BTNL9: variants seen among roughly 807,000 people sequenced by gnomAD.
BTNL9 encodes the protein butyrophilin-like protein 9.
Under a neutral mutation model 45.8 loss-of-function variants are expected in BTNL9, and 45 were observed. The observed-to-expected ratio is 0.98, with a 90% confidence interval of 0.77 to 1.26. The LOEUF is 1.26. BTNL9 is among the 50% of genes most tolerant of loss of function. BTNL9 has a pLI of 0.00. For missense variants in BTNL9, 784 were observed against 729.7 expected (o/e 1.07, Z -0.86); for synonymous variants, 346 against 330.8 (o/e 1.05, Z -0.50).
intron 4 of BTNL9, chr5:181,052,801 G>A (rs1472675940): frequency 6.6e-6 from 1 of 152,112 alleles, no homozygotes; most frequent in Non-Finnish European, 1.5e-5. Context: ...TTGCAAACAA[G>A]CGAGGAGACG....
At position 181,045,520 on chromosome 5, in the gene BTNL9, T is replaced by A. The variant is rs747234210; in HGVS notation, c.31T>A (p.Leu11Met). 9 of 1,612,140 alleles carry A rather than the reference T, an allele frequency of 5.6e-6. No individual in the cohort carries two copies. In the Admixed American group the frequency reaches 1.2e-4, roughly 21 times the overall value. Reference sequence around the variant, plus strand: ...GGACCTCTCAGTCTCCCCAGACTCCTTGAAGCCAGTATCGCTGACCAGCAG... The same window carrying A: ...GGACCTCTCAGTCTCCCCAGACTCCATGAAGCCAGTATCGCTGACCAGCAG... The part of the protein sequence containing the change: MVDLSVSPDS[L>M]KPVSLTSSLV... Residue 11 changes from leucine (L) to methionine (M), a missense_variant, in exon 2 of 11, where the codon TTG becomes ATG. Coordinates refer to ENST00000327705, the MANE Select transcript of BTNL9 (RefSeq NM_152547.5).
chr5:181,053,566 G>C lies in BTNL9; in HGVS notation c.886+65G>C. The C allele has an allele frequency of 6.4e-7, 1 of 1,552,574 alleles. No individual in the cohort carries two copies. The highest frequency in any genetic ancestry group is 2.4e-5 in the East Asian group (1 of 41,250). On this transcript the variant is annotated intron_variant, in intron 6 of 10. Coordinates refer to ENST00000327705, the MANE Select transcript of BTNL9 (RefSeq NM_152547.5). The surrounding 1 kb of genome is among the most constrained non-coding windows in gnomAD (Gnocchi z 6.5). ...TGCCAAAACCCGCCGTCATCTAAAG[G>C]CTGTGGGTCCCGTTACGAGGGTTTA...
At chr5:181,058,497 A>C in intron 10 of BTNL9, 119 bp downstream of exon 10, 1 of 1,262,896 alleles carries the variant, frequency 7.9e-7, no homozygotes, top group Non-Finnish European at 1.2e-6. Context: ...TGGGGCCTGC[A>C]CACACAAGAC....
At position 181,050,236 on chromosome 5, in the gene BTNL9, C is replaced by T. The variant is rs772278101; in HGVS notation, c.603C>T (p.Ile201=). The change falls in exon 4 of 11, where the codon ATC becomes ATT. Residue 201 remains isoleucine, a synonymous_variant. Transcript: ENST00000327705. The surrounding 1 kb of genome is among the most constrained non-coding windows in gnomAD (Gnocchi z 4.9). Reference sequence around the variant, plus strand: ...GCCTGCCTCCAGAGTTTGAAGCCATCGTCTGGGATGCCCAGGACCTGTTCA... The same window carrying T: ...GCCTGCCTCCAGAGTTTGAAGCCATTGTCTGGGATGCCCAGGACCTGTTCA... ...GQCLPPEFEA[I]VWDAQDLFSL... The T allele has an allele frequency of 5.0e-6, 8 of 1,613,994 alleles. No individual in the cohort carries two copies. Among genetic ancestry groups the T allele is most frequent in the East Asian group, 2.2e-5 (1 of 44,894 alleles).
At chr5:181,051,078 C>CAAAA (rs1399289272) in intron 4 of BTNL9, among the ~76,000 whole-genome samples, 10 of 44,714 alleles carry the variant, frequency 2.2e-4, no homozygotes, top group African/African-American at 8.5e-4. Context: ...GAATCCGTCT[C>CAAAA]AAAAAAAAAA....
Position 181,050,073 on chromosome 5 carries a change from T to A in BTNL9, c.455-15T>A, listed in dbSNP as rs1234125893. The A allele has an allele frequency of 1.2e-6, 2 of 1,609,346 alleles. No homozygotes were observed. The highest frequency in any genetic ancestry group is 1.7e-6 in the Non-Finnish European group (2 of 1,177,454). On this transcript the variant is annotated splice_polypyrimidine_tract_variant and intron_variant, in intron 3 of 10. Transcript: ENST00000327705. The surrounding 1 kb of genome is among the most constrained non-coding windows in gnomAD (Gnocchi z 4.9). ...GAAGAAGCCTGACCTTTCCCACTCC[T>A]CCTGCCTCCACCAGGGCTGGGCTCA...
intron 7 of BTNL9, chr5:181,054,640 C>A (rs575447402): frequency 2.0e-6 from 2 of 985,346 alleles, no homozygotes; most frequent in South Asian, 4.7e-5. Flanking sequence ...CACTTTTCTC[C>A]CCAGAGGGAC....
In BTNL9 at chr5:181,053,772, A is replaced by G. The variant is rs1468693757; in HGVS notation, c.886+271A>G. On this transcript the variant is annotated intron_variant, in intron 6 of 10. Transcript: ENST00000327705. The surrounding 1 kb of genome is among the most constrained non-coding windows in gnomAD (Gnocchi z 6.5). ...TGTCGTTACGCCCTCGGAGCTTCACATCACACTGTACAGAGGGAGCGGTGA... is the reference window on the plus strand; with the variant it reads ...TGTCGTTACGCCCTCGGAGCTTCACGTCACACTGTACAGAGGGAGCGGTGA... 6 of 1,518,536 alleles carry G rather than the reference A, an allele frequency of 4.0e-6. No individual in the cohort carries two copies. The highest frequency in any genetic ancestry group is 5.3e-6 in the Non-Finnish European group (6 of 1,135,610). 94.1% of individuals were successfully genotyped at this position (1,518,536 alleles called of 1,614,324 possible).
At position 181,059,946 on chromosome 5, in the gene BTNL9, G is replaced by C. The variant is rs1423272723; in HGVS notation, c.*84G>C. 3 of 1,274,732 alleles carry C rather than the reference G, an allele frequency of 2.4e-6. No homozygotes were observed. Among genetic ancestry groups the C allele is most frequent in the Non-Finnish European group, 3.2e-6 (3 of 950,544 alleles). The allele number at this position is 1,274,732 out of a possible 1,614,324, so 79.0% of individuals were successfully genotyped here. The stretch of plus-strand genomic sequence containing the variant: ...TTTGCTCTCCTGCTCCGTCTGAAGG[G>C]AGCAGGTGCACCAGCCAAAATGTCA... On this transcript the variant is annotated 3_prime_UTR_variant, in exon 11 of 11. Transcript: ENST00000327705.
intron 9 of BTNL9, chr5:181,056,887 C>T (rs1761909906): frequency 2.3e-6 from 1 of 436,434 alleles, no homozygotes; most frequent in African/African-American, 2.0e-5. Context: ...GAAGATTGAG[C>T]ATCTCTGTAT....
At chr5:181,043,194 GTGTA>G (rs1432443274) in intron 1 of BTNL9, among the ~76,000 whole-genome samples, 2 of 151,790 alleles carry the variant, frequency 1.3e-5, no homozygotes, top group South Asian at 2.1e-4. Context: ...GTGTGTGTGT[GTGTA>G]TGTGTCTGTG....
At position 181,042,445 on chromosome 5, in the gene BTNL9, G is replaced by A. The variant is rs1760824733; in HGVS notation, c.-24+2013G>A. Among the ~76,000 whole-genome samples the A allele has an allele frequency of 6.6e-6, 1 of 152,144 alleles. No individual in the cohort carries two copies. The highest frequency in any genetic ancestry group is 1.5e-5 in the Non-Finnish European group (1 of 68,020). On this transcript the variant is annotated intron_variant, in intron 1 of 10. Coordinates refer to ENST00000327705, the MANE Select transcript of BTNL9 (RefSeq NM_152547.5). This position sits in a 1 kb window ranked among gnomAD's most constrained non-coding sequence, Gnocchi z 4.5. ...GCAGAGGGTGGAAAGTGTTTCCTTC[G>A]AGGAGGGGACTTACGCTTCAAGTAA...
chr5:181,056,697 T>C, intron 9 of BTNL9: 1 of 700,992 alleles, frequency 1.4e-6, no homozygotes, highest in Middle Eastern at 3.1e-4. Context: ...TGGCCCATGG[T>C]GGGTATGTCC....
intron 10 of BTNL9, 150 bp downstream of exon 10, chr5:181,058,528 A>T: frequency 9.9e-7 from 1 of 1,005,964 alleles, no homozygotes; most frequent in Non-Finnish European, 1.6e-6. Context: ...ACTTGCAAAC[A>T]CGCCACACGA....
chr5:181,058,152 C>T (rs1400935484), intron 9 of BTNL9, among the ~76,000 whole-genome samples, 200 bp from the exon 10 acceptor site: 2 of 152,202 alleles, frequency 1.3e-5, no homozygotes, highest in African/African-American at 4.8e-5. Context: ...ATCAATGACA[C>T]AGGCCTCTAC....
At chr5:181,047,552 T>G (rs1434974312) in intron 2 of BTNL9, 13 of 963,234 alleles carry the variant, frequency 1.3e-5, no homozygotes, top group Non-Finnish European at 1.6e-5. Flanking sequence ...ATACGTATGT[T>G]TTTTACTTAA....
Position 181,055,968 on chromosome 5 carries a change from G to C in BTNL9, c.929-21G>C. ...TGGGGTCCTGATGTGCTAATTTCCT[G>C]TTTTCCCTTGGTTGCTTCAGACTGG... On this transcript the variant is annotated intron_variant, in intron 8 of 10. Coordinates refer to ENST00000327705, the MANE Select transcript of BTNL9 (RefSeq NM_152547.5). This position sits in a 1 kb window ranked among gnomAD's most constrained non-coding sequence, Gnocchi z 4.4. 6.2e-7 allele frequency: 1 copy of C among 1,614,138 alleles called. No homozygotes were observed. Among genetic ancestry groups the C allele is most frequent in the Non-Finnish European group, 8.5e-7 (1 of 1,180,006 alleles).
chr5:181,043,280 A>ATGTGTGTGTGTCTGTGTG (rs1760899196), intron 1 of BTNL9: 1 of 146,108 alleles, frequency 6.8e-6, no homozygotes, highest in South Asian at 2.2e-4. Flanking sequence ...GTGTGTGTGC[A>ATGTGTGTGTGTCTGTGTG]TGTGTGTGTG....
rs1761269039 is a variant in BTNL9 at position 181,047,926 on chromosome 5, G to C, written c.110-1G>C. On this transcript the variant is annotated splice_acceptor_variant, in intron 2 of 10. Coordinates refer to ENST00000327705, the MANE Select transcript of BTNL9 (RefSeq NM_152547.5). LOFTEE classifies it high-confidence loss of function. ...TTGCCTGTTCTGACTTGTCATCCTA[G>C]AGGTCAAGGTGCTAGGCCCTGAGTA... 6.2e-7 allele frequency: 1 copy of C among 1,611,244 alleles called. No individual in the cohort carries two copies. The highest frequency in any genetic ancestry group is 1.1e-5 in the South Asian group (1 of 90,998).
Sources: gnomAD v4.1 joint callset for allele counts (sites outside exome capture counted in the v4.1 genomes callset) on GRCh38, gnomAD v4.1.1 for gene constraint, Gnocchi (gnomAD v3.1) non-coding constraint, MANE v1.5 for transcripts, NCBI Gene and HGNC (gene_info 2026-07-23, HGNC 2026-07-21) for gene names.